The following BFSP1 variants were observed in gnomAD, a reference collection of about 807,000 sequenced individuals.
BFSP1 encodes the protein beaded filament structural protein 1, also known as filensin.
BFSP1 carries 38 observed loss-of-function variants against 43.9 expected under a neutral mutation model. The ratio of observed to expected loss-of-function variants is 0.87; its 90% CI spans 0.67 to 1.14. BFSP1 has a LOEUF of 1.14. Among genes scored for constraint, BFSP1 ranks in the 50% most tolerant of loss-of-function variants. The probability of loss-of-function intolerance (pLI) is 0.00; values close to 1 mark genes in which losing one functional copy is unlikely to be tolerated. For synonymous variants in BFSP1, 352 were observed against 354.8 expected (o/e 0.99, Z 0.09); for missense variants, 850 against 875.1 (o/e 0.97, Z 0.36).
chr20:17,533,863 C>T (rs145479689), upstream of BFSP1, among the ~76,000 whole-genome samples: 8 of 152,306 alleles, frequency 5.3e-5, no homozygotes, highest in East Asian at 1.4e-3. Flanking sequence ...CCTCACAAAG[C>T]GTAGCCTCAG....
In BFSP1 at chr20:17,531,108, G is replaced by A. The variant is rs749458907; in HGVS notation, c.222C>T (p.Ala74=). Residue 74 remains alanine (A), a synonymous_variant, in exon 1 of 8, where the codon GCC becomes GCT. Coordinates refer to ENST00000377873, the MANE Select transcript of BFSP1 (RefSeq NM_001195.5). Reference sequence around the variant, plus strand: ...CGGCCAGCTCGCCCAGGCGCTGGAAGGCATCCAGCTGCCTCCGGAGCCCGG... The same window carrying A: ...CGGCCAGCTCGCCCAGGCGCTGGAAAGCATCCAGCTGCCTCCGGAGCCCGG... ...RHAGLRRQLD[A]FQRLGELAGP... The A allele has an allele frequency of 1.5e-6, 2 of 1,347,384 alleles. No individual in the cohort carries two copies. Among genetic ancestry groups the A allele is most frequent in the Non-Finnish European group, 1.9e-6 (2 of 1,052,574 alleles). The allele number at this position is 1,347,384 out of a possible 1,614,324, so 83.5% of individuals were successfully genotyped here.
exon 1 of BFSP1, chr20:17,558,885 G>A: frequency 1.5e-6 from 1 of 659,802 alleles, no homozygotes; most frequent in Admixed American, 3.5e-5. Flanking sequence ...GGCTCAAGGG[G>A]TGGGAGGGAA....
At chr20:17,499,163 T>C (rs1286116340) in intron 5 of BFSP1, 123 bp from the exon 6 acceptor site, 3 of 842,734 alleles carry the variant, frequency 3.6e-6, no homozygotes, top group Admixed American at 2.4e-5. Context: ...TCTCTGTCCA[T>C]TCGAGATTAG....
At chr20:17,559,063 C>A (rs1055971092), upstream of BFSP1, 6 of 208,414 alleles carry the variant, frequency 2.9e-5, no homozygotes, top group African/African-American at 6.9e-5. Flanking sequence ...AAAAGCAGGA[C>A]CAATTGCAAG....
chr20:17,494,612 G>T lies in BFSP1; in HGVS notation c.1460C>A (p.Ser487Tyr). Reference sequence around the variant, plus strand: ...CACCCCACCTTTAGCTGTGATGGAGGAGACATAGAATCTAGGGTCCACGTA... The same window carrying T: ...CACCCCACCTTTAGCTGTGATGGAGTAGACATAGAATCTAGGGTCCACGTA... ...ANYVDPRFYV[S>Y]SITAKGGVAV... Residue 487 changes from serine (S) to tyrosine (Y), a missense_variant, in exon 8 of 8, where the codon TCC (serine) becomes TAC (tyrosine). Transcript: ENST00000377873. 1 of 1,614,210 alleles carries T rather than the reference G, an allele frequency of 6.2e-7. No individual in the cohort carries two copies. The highest frequency in any genetic ancestry group is 8.5e-7 in the Non-Finnish European group (1 of 1,180,040).
At chr20:17,549,347 C>T (rs529388152) in intron 1 of BFSP1, among the ~76,000 whole-genome samples, 1 of 152,170 alleles carries the variant, frequency 6.6e-6, no homozygotes, top group Non-Finnish European at 1.5e-5. Context: ...TTAGGCTGTA[C>T]AAGAAGCATG....
intron 4 of BFSP1, 90 bp downstream of exon 4, chr20:17,511,886 T>C (rs1739670250): frequency 3.3e-6 from 4 of 1,204,946 alleles, no homozygotes; most frequent in Admixed American, 2.0e-5. Flanking sequence ...GTGGCCGCCC[T>C]CACAGTCCAA....
intron 5 of BFSP1, among the ~76,000 whole-genome samples, chr20:17,503,965 T>C (rs2033867928): frequency 6.6e-6 from 1 of 152,248 alleles, no homozygotes. Context: ...GTGATCTTTC[T>C]ACCCTACAAG....
At chr20:17,536,077 C>T (rs2034624803), upstream of BFSP1, among the ~76,000 whole-genome samples, 1 of 151,890 alleles carries the variant, frequency 6.6e-6, no homozygotes, top group Non-Finnish European at 1.5e-5. Flanking sequence ...CACACCTGGC[C>T]CCACCAAACA....
Position 17,508,870 on chromosome 20 carries a change from G to A in BFSP1, c.735+19C>T, listed in dbSNP as rs747126284. On this transcript the variant is annotated intron_variant, in intron 5 of 7. Transcript: ENST00000377873. ...ACATGTGGGAAGCCCCAATGCACAC[G>A]CGGCAGACTCGAGCGTACCTGTGCC... 13 of 1,540,398 alleles carry A rather than the reference G, an allele frequency of 8.4e-6. No individual in the cohort carries two copies. The highest frequency in any genetic ancestry group is 4.8e-5 in the East Asian group (2 of 41,902).
intron 1 of BFSP1, among the ~76,000 whole-genome samples, chr20:17,539,759 C>G (rs2034686767): frequency 6.6e-6 from 1 of 151,682 alleles, no homozygotes; most frequent in African/African-American, 2.4e-5. Flanking sequence ...GAGCAAAACT[C>G]TATCTCAAAA....
intron 1 of BFSP1, among the ~76,000 whole-genome samples, chr20:17,545,283 G>C (rs1181299723): frequency 5.3e-5 from 8 of 152,214 alleles, no homozygotes; most frequent in African/African-American, 1.9e-4. Flanking sequence ...GCACAGGAGA[G>C]GTAGGGTATG....
intron 1 of BFSP1, among the ~76,000 whole-genome samples, chr20:17,530,627 C>T (rs1022659239): frequency 6.6e-6 from 1 of 152,208 alleles, no homozygotes; most frequent in African/African-American, 2.4e-5. Flanking sequence ...CACTTGTTTT[C>T]GTGGTAACAC....
rs144535326 is a variant in BFSP1, at chr20:17,499,086, C to G, written c.736-46G>C. 296 of 1,564,808 alleles carry G rather than the reference C, an allele frequency of 1.9e-4. 2 individuals are homozygous for G. The African/African-American group carries it at 3.4e-3, about 18-fold the overall frequency. On this transcript the variant is annotated intron_variant, in intron 5 of 7. Coordinates refer to ENST00000377873, the MANE Select transcript of BFSP1 (RefSeq NM_001195.5). Reference sequence around the variant, plus strand: ...TAAGAAAATCCATCCCCCTTCTTCTCTAAGAGACAGACCTCACCAGGAAAA... The same window carrying G: ...TAAGAAAATCCATCCCCCTTCTTCTGTAAGAGACAGACCTCACCAGGAAAA...
At chr20:17,531,473 C>A, upstream of BFSP1, 1 of 1,141,950 alleles carries the variant, frequency 8.8e-7, no homozygotes, top group Middle Eastern at 3.4e-4. Flanking sequence ...TTGGGCGCCA[C>A]GCTGGGCCCG....
chr20:17,526,579 T>A (rs1241305819), intron 1 of BFSP1, among the ~76,000 whole-genome samples: 1 of 152,242 alleles, frequency 6.6e-6, no homozygotes. Flanking sequence ...CAGTGGACAC[T>A]TGGGTTGCTT....
intron 1 of BFSP1, among the ~76,000 whole-genome samples, chr20:17,527,705 G>A (rs1290770835): frequency 6.6e-6 from 1 of 151,770 alleles, no homozygotes; most frequent in African/African-American, 2.4e-5. Context: ...TCCAGGCTGG[G>A]TGACAGAGCG....
chr20:17,544,952 C>T (rs1041785279), intron 1 of BFSP1, among the ~76,000 whole-genome samples: 1 of 152,202 alleles, frequency 6.6e-6, no homozygotes, highest in Non-Finnish European at 1.5e-5. Flanking sequence ...TTAACACCTA[C>T]AAACTGCATT....
intron 1 of BFSP1, among the ~76,000 whole-genome samples, chr20:17,566,040 C>T (rs1397777131): frequency 6.9e-6 from 1 of 144,450 alleles, no homozygotes; most frequent in Non-Finnish European, 1.5e-5. Flanking sequence ...ATCGCTTGAA[C>T]TCAGGAGGCG....
Sources: allele counts gnomAD v4.1 joint callset (sites outside exome capture counted in the v4.1 genomes callset), GRCh38; gene constraint gnomAD v4.1.1; transcripts MANE v1.5; gene names NCBI Gene and HGNC (gene_info 2026-07-23, HGNC 2026-07-21).